Variants in ELF2 observed in about 807,000 individuals in gnomAD.
The protein encoded by ELF2 is ETS-related transcription factor Elf-2.
A neutral mutation model predicts 54.8 loss-of-function variants in ELF2; 11 were observed. That is an observed-to-expected ratio of 0.20 (90% CI 0.13 to 0.33). ELF2 has a LOEUF of 0.33. ELF2 is among the 10% of genes least tolerant of loss of function. ELF2 has a pLI of 1.00. For synonymous variants in ELF2, 203 were observed against 245.1 expected (o/e 0.83, Z 1.61); for missense variants, 513 against 703.0 (o/e 0.73, Z 3.06).
chr4:139,129,884 T>A lies in ELF2; in HGVS notation c.73-4555A>T, dbSNP rs138036239. Among the ~76,000 whole-genome samples, 5 of 152,318 alleles carry A rather than the reference T, an allele frequency of 3.3e-5. No individual in the cohort carries two copies. The East Asian group carries it at 9.6e-4, about 29-fold the overall frequency. Reference sequence around the variant, plus strand: ...AAGGAAAGTTTAACAAATTAAACAATGGCTTTAACACTCTGAAATATAACC... The same window carrying A: ...AAGGAAAGTTTAACAAATTAAACAAAGGCTTTAACACTCTGAAATATAACC... On this transcript the variant is annotated intron_variant, in intron 3 of 9. Coordinates refer to ENST00000686138, the MANE Select transcript of ELF2 (RefSeq NM_001331036.3).
intron 1 of ELF2, among the ~76,000 whole-genome samples, chr4:139,159,198 G>A (rs143887290): frequency 1.3e-5 from 2 of 152,128 alleles, no homozygotes; most frequent in Admixed American, 1.3e-4. Context: ...GCAAACCCCC[G>A]AGCTTGATGT....
chr4:139,114,645 T>TC (rs201952602), intron 4 of ELF2, among the ~76,000 whole-genome samples: 121 of 120,812 alleles, frequency 1.0e-3, no homozygotes, highest in African/African-American at 1.7e-3. Flanking sequence ...TTTCTTTCTT[T>TC]TTTTTTTTTT....
intron 1 of ELF2, among the ~76,000 whole-genome samples, chr4:139,149,427 T>C (rs578155380): frequency 7.9e-4 from 120 of 152,230 alleles, no homozygotes; most frequent in African/African-American, 2.7e-3. Context: ...CTGGCCAACA[T>C]GGTGAAACCC....
chr4:139,147,102 C>T (rs1266422415), intron 1 of ELF2, among the ~76,000 whole-genome samples: 3 of 152,118 alleles, frequency 2.0e-5, no homozygotes, highest in African/African-American at 4.8e-5. Context: ...AAAGAGACAA[C>T]CCACAGAATG....
intron 4 of ELF2, among the ~76,000 whole-genome samples, chr4:139,095,386 T>C (rs1177188356): frequency 2.0e-5 from 3 of 152,062 alleles, no homozygotes; most frequent in Admixed American, 6.5e-5. Context: ...AGTTTCGCCA[T>C]GTTGGCCAGG....
At chr4:139,106,225 A>G (rs1474846934) in intron 4 of ELF2, among the ~76,000 whole-genome samples, 2 of 152,192 alleles carry the variant, frequency 1.3e-5, no homozygotes, top group Non-Finnish European at 2.9e-5. Context: ...TTACCACTAC[A>G]TGACTGAGAG....
At chr4:139,115,004 T>TG in intron 4 of ELF2, 1 of 1,613,754 alleles carries the variant, frequency 6.2e-7, no homozygotes, top group Non-Finnish European at 8.5e-7. Flanking sequence ...AAGGCCTCTG[T>TG]GGGTTTGTAA....
Position 139,141,291 on chromosome 4 carries a change from T to C in ELF2, c.-251-1794A>G, listed in dbSNP as rs142913756. ...TTTTTGAGTTCTCAGGTTCCCTTCA[T>C]GTTACGTAGGGACATAGGAAGGAAA... On this transcript the variant is annotated intron_variant, in intron 1 of 9. Transcript: ENST00000686138. 5.0e-3 allele frequency among the ~76,000 whole-genome samples: 766 copies of C among 152,360 alleles called. 8 individuals carry two copies. Among genetic ancestry groups the C allele is most frequent in the African/African-American group, 0.017 (722 of 41,590 alleles).
At chr4:139,075,306 T>C (rs1305746631) in intron 4 of ELF2, among the ~76,000 whole-genome samples, 4 of 152,252 alleles carry the variant, frequency 2.6e-5, no homozygotes, top group Admixed American at 2.6e-4. Context: ...AGAGCAAGAA[T>C]ATGATAATTT....
At chr4:139,103,409 G>A (rs1056432418) in intron 4 of ELF2, among the ~76,000 whole-genome samples, 1 of 152,142 alleles carries the variant, frequency 6.6e-6, no homozygotes, top group Non-Finnish European at 1.5e-5. Flanking sequence ...TCTGGGCCTC[G>A]GGAAACAGGG....
rs565908248 is a variant in ELF2 at position 139,058,437 on chromosome 4, G to A, written c.*546C>T. ...TATATATATATATATATATAAAATC[G>A]CACTAGATCTTTTTTTGCTATCCTC... On this transcript the variant is annotated 3_prime_UTR_variant, in exon 10 of 10. Transcript: ENST00000686138. The A allele has an allele frequency of 1.3e-3, 182 of 141,248 alleles. No individual in the cohort carries two copies. Among genetic ancestry groups the A allele is most frequent in the African/African-American group, 4.5e-3 (165 of 36,994 alleles). 8.7% of individuals were successfully genotyped at this position (141,248 alleles called of 1,614,324 possible). A position where few individuals can be genotyped will look rare whatever the true frequency, so the allele number is the denominator to read the frequency against.
intron 1 of ELF2, among the ~76,000 whole-genome samples, chr4:139,167,998 T>C (rs1741894850): frequency 6.6e-6 from 1 of 152,230 alleles, no homozygotes; most frequent in African/African-American, 2.4e-5. Flanking sequence ...GAACTTGACC[T>C]AAGAGATCCT....
chr4:139,101,732 A>AGGTT (rs1196972767), intron 4 of ELF2: 2 of 152,154 alleles, frequency 1.3e-5, no homozygotes, highest in Non-Finnish European at 2.9e-5. Flanking sequence ...AGGTCACTAA[A>AGGTT]GGTTCTTCCT....
chr4:139,094,773 G>A (rs1733063861), intron 4 of ELF2, among the ~76,000 whole-genome samples: 1 of 152,054 alleles, frequency 6.6e-6, no homozygotes, highest in South Asian at 2.1e-4. Context: ...TAAAAAATGA[G>A]TAAAATGAGG....
intron 1 of ELF2, among the ~76,000 whole-genome samples, chr4:139,161,468 T>C (rs2148901035): frequency 6.6e-6 from 1 of 152,130 alleles, no homozygotes; most frequent in African/African-American, 2.4e-5. Flanking sequence ...AGTGTTGATT[T>C]AATGAAAACA....
At chr4:139,133,752 T>C (rs1737807065) in intron 3 of ELF2, among the ~76,000 whole-genome samples, 1 of 152,088 alleles carries the variant, frequency 6.6e-6, no homozygotes, top group Non-Finnish European at 1.5e-5. Context: ...TATATGCACG[T>C]GCCAGTGCAC....
intron 6 of ELF2, 97 bp from the exon 7 acceptor site, chr4:139,067,867 GGAT>G: frequency 8.6e-7 from 1 of 1,168,328 alleles, no homozygotes; most frequent in Non-Finnish European, 1.2e-6. Context: ...TCATTTAAAT[GGAT>G]ACTAATTTGT....
intron 1 of ELF2, among the ~76,000 whole-genome samples, chr4:139,160,133 T>C (rs200184752): frequency 2.6e-5 from 4 of 152,054 alleles, no homozygotes; most frequent in Non-Finnish European, 5.9e-5. Flanking sequence ...GTCAGGAGAT[T>C]GAGACCATCC....
At chr4:139,143,004 G>GAAA (rs2148869863) in intron 1 of ELF2, among the ~76,000 whole-genome samples, 1 of 152,342 alleles carries the variant, frequency 6.6e-6, no homozygotes, top group African/African-American at 2.4e-5. Context: ...AGGATTCTCA[G>GAAA]ATGATGGAGT....
Sources: allele counts gnomAD v4.1 joint callset (sites outside exome capture counted in the v4.1 genomes callset), GRCh38; gene constraint gnomAD v4.1.1; transcripts MANE v1.5; gene names NCBI Gene and HGNC (gene_info 2026-07-23, HGNC 2026-07-21).